The following C16orf89 variants were observed in gnomAD, a reference collection of about 807,000 sequenced individuals.
C16orf89 encodes the protein chromosome 16 open reading frame 89.
In C16orf89, 57 loss-of-function variants were observed where a neutral mutation model predicts 41.5. That is an observed-to-expected ratio of 1.38 (90% CI 1.11 to 1.71). C16orf89 has a LOEUF of 1.71. Ranked by LOEUF, C16orf89 falls within the 40% of genes most tolerant of loss-of-function variation. The probability of loss-of-function intolerance (pLI) is 0.00; values close to 1 mark genes in which losing one functional copy is unlikely to be tolerated. For synonymous variants in C16orf89, 223 were observed against 190.6 expected, an observed-to-expected ratio of 1.17 and a Z score of -1.40; for missense variants, 575 against 445.9, an observed-to-expected ratio of 1.29 and a Z score of -2.61.
rs1411143178 is a variant in C16orf89 at position 5,055,214 on chromosome 16, C to G, written c.868+32G>C. The G allele has an allele frequency of 2.6e-6, 4 of 1,541,772 alleles. No individual in the cohort carries two copies. The East Asian group carries it at 7.0e-5, about 27-fold the overall frequency. ...AGAGCCACCCCCACCCCCACTGCCC[C>G]CCTTCTTAGCCAGGGCAGCAGCGCA... is the stretch of plus-strand genomic sequence containing the variant. On this transcript the variant is annotated intron_variant, in intron 6 of 7. Coordinates refer to ENST00000472572, the MANE Select transcript of C16orf89 (RefSeq NM_001098514.3).
chr16:5,048,303 G>C (rs1956338276), intron 6 of C16orf89, among the ~76,000 whole-genome samples: 1 of 152,146 alleles, frequency 6.6e-6, no homozygotes, highest in Non-Finnish European at 1.5e-5. Context: ...CCAAAGTACT[G>C]GATTATATGT....
intron 6 of C16orf89, 37 bp from the exon 7 acceptor site, chr16:5,048,001 ATTT>A: frequency 9.1e-7 from 1 of 1,102,166 alleles, no homozygotes; most frequent in Non-Finnish European, 1.4e-6. Flanking sequence ...CTCAAGAGAG[ATTT>A]TTATTTTTTA....
chr16:5,065,466 C>G (rs1956719458), intron 1 of C16orf89, among the ~76,000 whole-genome samples: 1 of 152,188 alleles, frequency 6.6e-6, no homozygotes, highest in Non-Finnish European at 1.5e-5. Context: ...AGATAATTCC[C>G]AAATCCCTTC....
In C16orf89 at chr16:5,062,879, A is replaced by G. The variant is rs180826167; in HGVS notation, c.209-305T>C. ...AAATCCTCAAATCCTTGACTCATAT[A>G]CTTTCTTGTTGGATGGCCAGAGAAA... On this transcript the variant is annotated intron_variant, in intron 1 of 7. Coordinates refer to ENST00000472572, the MANE Select transcript of C16orf89 (RefSeq NM_001098514.3). Among the ~76,000 whole-genome samples, 34 of 152,224 alleles carry G rather than the reference A, an allele frequency of 2.2e-4. 2 individuals are homozygous for G. The highest frequency in any genetic ancestry group is 2.0e-3 in the Admixed American group (30 of 15,292).
chr16:5,053,101 G>T (rs947210230), intron 6 of C16orf89, among the ~76,000 whole-genome samples: 2 of 152,204 alleles, frequency 1.3e-5, no homozygotes, highest in Non-Finnish European at 2.9e-5. Context: ...CAGTGTTGAG[G>T]CAGGGTGCCT....
At chr16:5,052,931 G>A (rs928384735) in intron 6 of C16orf89, among the ~76,000 whole-genome samples, 1 of 152,120 alleles carries the variant, frequency 6.6e-6, no homozygotes, top group African/African-American at 2.4e-5. Context: ...ACCCAATGAA[G>A]TACTATTTCA....
At chr16:5,056,527 C>T (rs1025792697) in intron 4 of C16orf89, among the ~76,000 whole-genome samples, 3 of 152,116 alleles carry the variant, frequency 2.0e-5, no homozygotes, top group African/African-American at 7.2e-5. Context: ...TGGGAAGTGC[C>T]CAATGTGATG....
chr16:5,044,487 G>T lies in C16orf89; in HGVS notation c.956-9C>A, dbSNP rs772449266. ...GTGGGAGGAGCAGCCATCTAGGGGAGAGAGCCCCCATGAGTGCTGGGTGGC... is the reference window on the plus strand; with the variant it reads ...GTGGGAGGAGCAGCCATCTAGGGGATAGAGCCCCCATGAGTGCTGGGTGGC... On this transcript the variant is annotated splice_polypyrimidine_tract_variant and intron_variant, in intron 7 of 7. Transcript: ENST00000472572. 5 of 1,612,080 alleles carry T rather than the reference G, an allele frequency of 3.1e-6. No individual in the cohort carries two copies. In the South Asian group the frequency reaches 5.5e-5, roughly 18 times the overall value.
At chr16:5,058,002 C>T (rs1956544494) in intron 4 of C16orf89, among the ~76,000 whole-genome samples, 1 of 152,114 alleles carries the variant, frequency 6.6e-6, no homozygotes, top group African/African-American at 2.4e-5. Context: ...CTCAATTACA[C>T]AGCAGGAGTA....
chr16:5,054,894 C>T (rs532962610), intron 6 of C16orf89, among the ~76,000 whole-genome samples: 14 of 152,284 alleles, frequency 9.2e-5, no homozygotes, highest in South Asian at 6.2e-4. Flanking sequence ...GAGGCCTCCC[C>T]AGCAGTGTGC....
Position 5,047,157 on chromosome 16 carries a change from C to T in C16orf89, c.955+721G>A. ...TTCTCCCTTCCTCTCTCTGTCTCCC[C>T]CTTGTTCAGCCCCTGCAGGCCCTAT... is the stretch of plus-strand genomic sequence containing the variant. On this transcript the variant is annotated intron_variant, in intron 7 of 7. Transcript: ENST00000472572. 1.3e-5 allele frequency among the ~76,000 whole-genome samples: 2 copies of T among 152,184 alleles called. 1 individual carries two copies. Among genetic ancestry groups the T allele is most frequent in the Non-Finnish European group, 2.9e-5 (2 of 68,036 alleles).
intron 7 of C16orf89, among the ~76,000 whole-genome samples, chr16:5,047,137 C>T (rs1329910982): frequency 2.0e-5 from 3 of 152,174 alleles, no homozygotes; most frequent in East Asian, 1.9e-4. Flanking sequence ...AATATTTCTC[C>T]CTTCCTCTCT....
intron 2 of C16orf89, among the ~76,000 whole-genome samples, chr16:5,060,945 C>A (rs867551667): frequency 4.3e-5 from 4 of 93,500 alleles, no homozygotes; most frequent in Non-Finnish European, 5.9e-5. Flanking sequence ...TATGATCAGC[C>A]TTTTTTTTTT....
chr16:5,055,343 G>C lies in C16orf89; in HGVS notation c.771C>G (p.Phe257Leu). 1 of 1,609,586 alleles carries C rather than the reference G, an allele frequency of 6.2e-7. No individual in the cohort carries two copies. The highest frequency in any genetic ancestry group is 1.1e-5 in the South Asian group (1 of 90,394). Reference protein sequence around the residue: ...TRDIFMENIMFCGMGGFSDFY... With the variant: ...TRDIFMENIMLCGMGGFSDFY... ...AGTCGGAGAAGCCGCCCATTCCACA[G>C]AACATGACTGGAAGTAAAGACGGGG... The change falls in exon 6 of 8, where the codon TTC (phenylalanine) becomes TTG (leucine). Residue 257 changes from phenylalanine to leucine, a missense_variant. Coordinates refer to ENST00000472572, the MANE Select transcript of C16orf89 (RefSeq NM_001098514.3).
At chr16:5,055,380 G>A (rs1248996287) in intron 5 of C16orf89, 30 bp from the exon 6 acceptor site, 15 of 1,546,862 alleles carry the variant, frequency 9.7e-6, no homozygotes, top group African/African-American at 1.4e-5. Context: ...CCCTCTGCAG[G>A]CCTGCCCCCC....
chr16:5,050,223 C>T lies in C16orf89; in HGVS notation c.869-2259G>A, dbSNP rs144150170. ...TCTTTACTAAAAATACAAAAATTAGCCAGGCATGGTGGCGGGCGCCTGTAA... is the reference window on the plus strand; with the variant it reads ...TCTTTACTAAAAATACAAAAATTAGTCAGGCATGGTGGCGGGCGCCTGTAA... On this transcript the variant is annotated intron_variant, in intron 6 of 7. Transcript: ENST00000472572. 5.9e-3 allele frequency among the ~76,000 whole-genome samples: 905 copies of T among 152,142 alleles called. 11 individuals are homozygous for T. Among genetic ancestry groups the T allele is most frequent in the African/African-American group, 0.021 (861 of 41,502 alleles).
Position 5,047,892 on chromosome 16 carries a change from TC to T in C16orf89, c.940del (p.Glu314LysfsTer65). On this transcript the variant is annotated frameshift_variant, in exon 7 of 8. Coordinates refer to ENST00000472572, the MANE Select transcript of C16orf89 (RefSeq NM_001098514.3). LOFTEE classifies it low-confidence loss of function (END_TRUNC). ...ATTTTCATTACCTGGAAATTGTTTT[TC>T]TCGCCTCTTCACTCTCCTCGAAAAA... is the stretch of plus-strand genomic sequence containing the variant. ...QHFSRRVKRR[E>X]KQFPDGCSSH... 6.3e-7 allele frequency: 1 copy of T among 1,585,726 alleles called. No homozygotes were observed. The highest frequency in any genetic ancestry group is 8.7e-7 in the Non-Finnish European group (1 of 1,155,166).
chr16:5,046,756 A>C (rs76713390), intron 7 of C16orf89, among the ~76,000 whole-genome samples: 14,661 of 151,548 alleles, frequency 0.097, 830 homozygotes, highest in Non-Finnish European at 0.12. Context: ...TTATTTCTTG[A>C]CTTTCTTCTA....
At chr16:5,060,539 G>A (rs896666205) in intron 2 of C16orf89, 103 bp from the exon 3 acceptor site, 2 of 1,264,246 alleles carry the variant, frequency 1.6e-6, no homozygotes, top group Admixed American at 5.0e-5. Flanking sequence ...CCCACTGGCA[G>A]GTGCAGCTCA....
Sources: allele counts gnomAD v4.1 joint callset (sites outside exome capture counted in the v4.1 genomes callset), GRCh38; gene constraint gnomAD v4.1.1; transcripts MANE v1.5; gene names NCBI Gene and HGNC (gene_info 2026-07-23, HGNC 2026-07-21).